Variants in EPN2 observed in about 807,000 individuals in gnomAD.
The protein encoded by EPN2 is epsin 2, also known as epsin-2.
A neutral mutation model predicts 61.7 loss-of-function variants in EPN2; 34 were observed. The observed-to-expected ratio is 0.55, with a 90% CI of 0.42 to 0.73. The LOEUF (loss-of-function observed/expected upper bound fraction) is 0.73. EPN2 is among the 30% of genes least tolerant of loss of function. The probability of loss-of-function intolerance (pLI) is 0.00; values close to 1 mark genes in which losing one functional copy is unlikely to be tolerated. For missense variants in EPN2, 714 were observed against 839.2 expected (o/e 0.85, Z 1.84); for synonymous variants, 349 against 353.6 (o/e 0.99, Z 0.15).
At chr17:19,241,962 A>C (rs747927670) in intron 1 of EPN2, among the ~76,000 whole-genome samples, 1 of 152,202 alleles carries the variant, frequency 6.6e-6, no homozygotes, top group Non-Finnish European at 1.5e-5. Flanking sequence ...ATAATAGAAT[A>C]AATTTGTTGT....
rs137891257 is a variant in EPN2 at position 19,306,819 on chromosome 17, T to C, written c.767-3066T>C. On this transcript the variant is annotated intron_variant, in intron 4 of 10. Coordinates refer to ENST00000314728, the MANE Select transcript of EPN2 (RefSeq NM_014964.5). ...GTGGGGTGGGATATGAGCCTTCTACTTGATTCATTTGTGGTTTCCATTTGG... is the reference window on the plus strand; with the variant it reads ...GTGGGGTGGGATATGAGCCTTCTACCTGATTCATTTGTGGTTTCCATTTGG... Among the ~76,000 whole-genome samples, 20 of 152,328 alleles carry C rather than the reference T, an allele frequency of 1.3e-4. 1 individual carries two copies. Among genetic ancestry groups the C allele is most frequent in the African/African-American group, 4.8e-4 (20 of 41,576 alleles).
intron 7 of EPN2, among the ~76,000 whole-genome samples, chr17:19,317,681 C>T (rs575025168): frequency 6.6e-6 from 1 of 152,342 alleles, no homozygotes; most frequent in African/African-American, 2.4e-5. Flanking sequence ...ATCTTCGTTT[C>T]CTCTCATTCA....
chr17:19,331,097 G>A (rs1907137890), intron 9 of EPN2, among the ~76,000 whole-genome samples: 1 of 152,150 alleles, frequency 6.6e-6, no homozygotes, highest in African/African-American at 2.4e-5. Context: ...TTAACAGATT[G>A]AAAACATCTT....
At chr17:19,319,671 A>G (rs1906556173) in intron 7 of EPN2, among the ~76,000 whole-genome samples, 1 of 139,892 alleles carries the variant, frequency 7.1e-6, no homozygotes, top group South Asian at 2.3e-4. Context: ...TTTTTGAGAG[A>G]AGGTTTCCCT....
At chr17:19,246,621 T>G (rs1352611944) in intron 1 of EPN2, among the ~76,000 whole-genome samples, 3 of 152,174 alleles carry the variant, frequency 2.0e-5, no homozygotes, top group South Asian at 2.1e-4. Flanking sequence ...TCTTTAAGAC[T>G]CTGAGGTGAA....
At chr17:19,293,236 C>T (rs969045480) in intron 4 of EPN2, among the ~76,000 whole-genome samples, 7 of 151,758 alleles carry the variant, frequency 4.6e-5, no homozygotes, top group South Asian at 2.1e-4. Flanking sequence ...AAAAATTAGC[C>T]GGTCATGGTG....
At chr17:19,288,440 G>A (rs542148229) in intron 4 of EPN2, among the ~76,000 whole-genome samples, 2 of 152,354 alleles carry the variant, frequency 1.3e-5, no homozygotes, top group South Asian at 2.1e-4. Context: ...TCTTGCTTGA[G>A]TGTCTTTGGG....
chr17:19,253,554 A>T (rs1597972109), intron 1 of EPN2, among the ~76,000 whole-genome samples: 1 of 151,662 alleles, frequency 6.6e-6, no homozygotes, highest in African/African-American at 2.4e-5. Context: ...AGCTGGGGCT[A>T]CAGGCCTGGC....
chr17:19,309,867 C>T lies in EPN2; in HGVS notation c.767-18C>T, dbSNP rs760169494. 3 of 1,597,726 alleles carry T rather than the reference C, an allele frequency of 1.9e-6. No homozygotes were observed. In the Admixed American group the frequency reaches 5.0e-5, roughly 27 times the overall value. On this transcript the variant is annotated intron_variant, in intron 4 of 10. Coordinates refer to ENST00000314728, the MANE Select transcript of EPN2 (RefSeq NM_014964.5). ...CAGCCTTGTCTTTTGCATATGATGACTTGGTCTTCCCCAACAGCCACCTCC... is the reference window on the plus strand; with the variant it reads ...CAGCCTTGTCTTTTGCATATGATGATTTGGTCTTCCCCAACAGCCACCTCC...
At position 19,312,124 on chromosome 17, in the gene EPN2, A is replaced by G. The variant is rs146662790; in HGVS notation, c.952A>G (p.Lys318Glu). Residue 318 changes from lysine (K) to glutamate (E), a missense_variant, in exon 6 of 11, where the codon AAA becomes GAA. Physicochemically the swap from Lys to Glu is moderately conservative, Grantham distance 56. This residue lies in a region of EPN2 where 410 missense variants were observed against 421.8 expected (regional missense o/e 0.97). Transcript: ENST00000314728. Reference sequence around the variant, plus strand: ...GGAAGAAAGCCGAAGGGACACAGTTAAAATTCCAAAAAAGAAAGAGGTAAG... The same window carrying G: ...GGAAGAAAGCCGAAGGGACACAGTTGAAATTCCAAAAAAGAAAGAGGTAAG... ...ALEESRRDTV[K>E]IPKKKEHGSL... The G allele has an allele frequency of 2.3e-4, 377 of 1,613,794 alleles. No individual in the cohort carries two copies. The highest frequency in any genetic ancestry group is 2.7e-4 in the Non-Finnish European group (323 of 1,179,650).
chr17:19,308,451 ACCTGTCTGTGCATGCATGTAAG>A, intron 4 of EPN2: 9 of 985,294 alleles, frequency 9.1e-6, no homozygotes, highest in African/African-American at 1.7e-5. Flanking sequence ...CTGTGCATGC[ACCTGTCTGTGCATGCATGTAAG>A]CCTCCACCCA....
At chr17:19,323,036 C>T (rs943517277) in intron 7 of EPN2, among the ~76,000 whole-genome samples, 5 of 152,216 alleles carry the variant, frequency 3.3e-5, no homozygotes, top group African/African-American at 1.2e-4. Flanking sequence ...TCACTGCCAC[C>T]TTCTGCTGCC....
rs921125534 is a variant in EPN2 at position 19,324,900 on chromosome 17, A to C, written c.1148-3811A>C. Reference sequence around the variant, plus strand: ...GAAATTTTTTTAAGAGGAAGGGCACAAACAGCATTAGGAATGAAACAGCAT... The same window carrying C: ...GAAATTTTTTTAAGAGGAAGGGCACCAACAGCATTAGGAATGAAACAGCAT... On this transcript the variant is annotated intron_variant, in intron 7 of 10. Coordinates refer to ENST00000314728, the MANE Select transcript of EPN2 (RefSeq NM_014964.5). Among the ~76,000 whole-genome samples the C allele has an allele frequency of 1.1e-4, 16 of 152,352 alleles. No individual in the cohort carries two copies. In the South Asian group the frequency reaches 2.7e-3, roughly 26 times the overall value.
chr17:19,335,215 T>A lies in EPN2; in HGVS notation c.*961T>A. ...GCAACAAAAAATCCTAGCCTCCAGTTGCCTTTTCCTTTCTTTAGCTCCTGT... is the reference window on the plus strand; with the variant it reads ...GCAACAAAAAATCCTAGCCTCCAGTAGCCTTTTCCTTTCTTTAGCTCCTGT... On this transcript the variant is annotated 3_prime_UTR_variant, in exon 11 of 11. Coordinates refer to ENST00000314728, the MANE Select transcript of EPN2 (RefSeq NM_014964.5). The A allele has an allele frequency of 2.2e-6, 1 of 445,546 alleles. No homozygotes were observed. The highest frequency in any genetic ancestry group is 3.9e-6 in the Non-Finnish European group (1 of 257,696). The allele number at this position is 445,546 out of a possible 1,614,324, so 27.6% of individuals were successfully genotyped here. A position where few individuals can be genotyped will look rare whatever the true frequency, so the allele number is the denominator to read the frequency against.
At chr17:19,322,583 AT>A (rs1253583055) in intron 7 of EPN2, among the ~76,000 whole-genome samples, 1 of 39,088 alleles carries the variant, frequency 2.6e-5, no homozygotes, top group African/African-American at 1.4e-4. Context: ...TTTACAAAAA[AT>A]AAAAAAATCA....
chr17:19,270,936 A>G (rs1248232952), intron 1 of EPN2, among the ~76,000 whole-genome samples: 4 of 152,204 alleles, frequency 2.6e-5, no homozygotes, highest in Non-Finnish European at 4.4e-5. Context: ...ACAATACAGC[A>G]CTTGCCCTTT....
Position 19,237,548 on chromosome 17 carries a change from G to C in EPN2, c.-294+17G>C, listed in dbSNP as rs1051902888. On this transcript the variant is annotated intron_variant, in intron 1 of 10. Coordinates refer to ENST00000314728, the MANE Select transcript of EPN2 (RefSeq NM_014964.5). The stretch of plus-strand genomic sequence containing the variant: ...GGAGCAGAGGTGAGCCACAGCCCGT[G>C]GGGCTCCAAGGCCAGAGCGAGTCCC... 40 of 152,422 alleles carry C rather than the reference G, an allele frequency of 2.6e-4. No homozygotes were observed. The highest frequency in any genetic ancestry group is 8.9e-4 in the African/African-American group (37 of 41,560). 9.4% of individuals were successfully genotyped at this position (152,422 alleles called of 1,614,324 possible).
chr17:19,320,762 A>G (rs997387916), intron 7 of EPN2, among the ~76,000 whole-genome samples: 1 of 152,118 alleles, frequency 6.6e-6, no homozygotes, highest in Non-Finnish European at 1.5e-5. Context: ...GGGCCACTCT[A>G]ATCTGGTTGT....
intron 9 of EPN2, among the ~76,000 whole-genome samples, 198 bp from the exon 10 acceptor site, chr17:19,331,655 G>C (rs1454448181): frequency 6.6e-6 from 1 of 152,118 alleles, no homozygotes; most frequent in South Asian, 2.1e-4. Context: ...CTTATCATTA[G>C]GTATTCTTCT....
Sources: allele counts gnomAD v4.1 joint callset (sites outside exome capture counted in the v4.1 genomes callset), GRCh38; gene constraint gnomAD v4.1.1; regional missense constraint gnomAD v4.1.1; transcripts MANE v1.5; gene names NCBI Gene and HGNC (gene_info 2026-07-23, HGNC 2026-07-21).